Variants in RPTOR observed in about 807,000 individuals in gnomAD.
RPTOR encodes the protein regulatory associated protein of MTOR complex 1.
In RPTOR, 21 loss-of-function variants were observed where a neutral mutation model predicts 169.9. The ratio of observed to expected loss-of-function variants is 0.12; its 90% CI spans 0.09 to 0.18. The LOEUF (loss-of-function observed/expected upper bound fraction) is 0.18, where lower values mean the gene tolerates loss of function less well. Among genes scored for constraint, RPTOR ranks in the 10% least tolerant of loss-of-function variants. The pLI is 1.00. For synonymous variants in RPTOR, 732 were observed against 753.2 expected, an observed-to-expected ratio of 0.97 and a Z score of 0.46; for missense variants, 1,133 against 1,855.9, an observed-to-expected ratio of 0.61 and a Z score of 7.16.
intron 1 of RPTOR, among the ~76,000 whole-genome samples, chr17:80,589,767 T>C (rs1467734482): frequency 1.3e-5 from 2 of 152,246 alleles, no homozygotes; most frequent in Non-Finnish European, 2.9e-5. Context: ...AATCGACTGA[T>C]TTGTATCCAG....
At chr17:80,709,208 A>G (rs2066165710) in intron 4 of RPTOR, 2 of 480,850 alleles carry the variant, frequency 4.2e-6, no homozygotes, top group Admixed American at 1.3e-4. Context: ...CTTTCGTTAA[A>G]TATTGAGTAA....
At chr17:80,627,836 ATTTTT>A (rs34155053) in intron 2 of RPTOR, among the ~76,000 whole-genome samples, 1 of 139,644 alleles carries the variant, frequency 7.2e-6, no homozygotes, top group Non-Finnish European at 1.6e-5. Context: ...GTATGTTTAA[ATTTTT>A]TTTTTTTTTT....
At chr17:80,897,954 C>T (rs1008872820) in intron 20 of RPTOR, among the ~76,000 whole-genome samples, 6 of 152,034 alleles carry the variant, frequency 3.9e-5, no homozygotes, top group African/African-American at 1.4e-4. Context: ...ATTCCCTGTC[C>T]AAAAAAACTG....
In RPTOR at chr17:80,843,795, G is replaced by A. The variant is rs1288280292; in HGVS notation, c.1213-2678G>A. 5.9e-5 allele frequency among the ~76,000 whole-genome samples: 9 copies of A among 152,310 alleles called. No homozygotes were observed. In the South Asian group the frequency reaches 8.3e-4, roughly 14 times the overall value. On this transcript the variant is annotated intron_variant, in intron 10 of 33. Coordinates refer to ENST00000306801, the MANE Select transcript of RPTOR (RefSeq NM_020761.3). ...GGTTGTTGGTAGCAGAAGTCCAGCCGGACGGGCTCCACTTAGGTGTGACTT... is the reference window on the plus strand; with the variant it reads ...GGTTGTTGGTAGCAGAAGTCCAGCCAGACGGGCTCCACTTAGGTGTGACTT...
chr17:80,751,228 C>T (rs1274195794), intron 5 of RPTOR, among the ~76,000 whole-genome samples: 2 of 152,110 alleles, frequency 1.3e-5, no homozygotes, highest in African/African-American at 2.4e-5. Context: ...GGAGAGGGCT[C>T]GGCAGCTTTC....
rs200024771 is a variant in RPTOR, at chr17:80,622,765, G to A, written c.163-2926G>A. ...AAAATACAAATAAAATTAGCTGGGTGTGGTGGCACACCCTGTGGTCCCAGC... is the reference window on the plus strand; with the variant it reads ...AAAATACAAATAAAATTAGCTGGGTATGGTGGCACACCCTGTGGTCCCAGC... On this transcript the variant is annotated intron_variant, in intron 1 of 33. Coordinates refer to ENST00000306801, the MANE Select transcript of RPTOR (RefSeq NM_020761.3). Among the ~76,000 whole-genome samples, 4 of 152,214 alleles carry A rather than the reference G, an allele frequency of 2.6e-5. No homozygotes were observed. The East Asian group carries it at 7.7e-4, about 29-fold the overall frequency.
At chr17:80,724,089 G>T (rs1422760479) in intron 4 of RPTOR, among the ~76,000 whole-genome samples, 1 of 151,332 alleles carries the variant, frequency 6.6e-6, no homozygotes, top group Non-Finnish European at 1.5e-5. Context: ...TGAGAAATGG[G>T]AAGGTATGAG....
chr17:80,961,469 C>T lies in RPTOR; in HGVS notation c.3681C>T (p.Ile1227=), dbSNP rs2144101026. Residue 1227 remains isoleucine (I), a synonymous_variant, in exon 31 of 34, where the codon ATC becomes ATT. Transcript: ENST00000306801. ...ASLQKRPDGH[I]VSVSVNGDVR... is the part of the protein sequence containing the mutation. ...TGCAGAAGCGTCCCGACGGCCACAT[C>T]GTGAGTGTGAGGTGAGGAGCGCCGA... The T allele has an allele frequency of 6.4e-7, 1 of 1,550,678 alleles. No individual in the cohort carries two copies. Among genetic ancestry groups the T allele is most frequent in the Non-Finnish European group, 8.7e-7 (1 of 1,147,314 alleles).
intron 3 of RPTOR, among the ~76,000 whole-genome samples, chr17:80,697,782 G>A (rs1366904451): frequency 6.6e-6 from 1 of 152,226 alleles, no homozygotes; most frequent in East Asian, 1.9e-4. Flanking sequence ...TGTCTCAGGG[G>A]CCGGTGGCCT....
At chr17:80,875,341 G>A (rs947428850) in intron 13 of RPTOR, among the ~76,000 whole-genome samples, 1 of 152,114 alleles carries the variant, frequency 6.6e-6, no homozygotes, top group African/African-American at 2.4e-5. Flanking sequence ...ATACATGCTT[G>A]CATCTTCCCA....
intron 2 of RPTOR, among the ~76,000 whole-genome samples, chr17:80,637,567 G>A (rs2065517883): frequency 6.6e-6 from 1 of 152,244 alleles, no homozygotes; most frequent in Non-Finnish European, 1.5e-5. Flanking sequence ...TACTACAACA[G>A]TAATACTAAA....
At chr17:80,869,077 T>C (rs548932802) in intron 13 of RPTOR, among the ~76,000 whole-genome samples, 19 of 152,198 alleles carry the variant, frequency 1.2e-4, no homozygotes, top group Non-Finnish European at 2.4e-4. Context: ...ATATGTCGCT[T>C]ATACATCAAT....
At chr17:80,625,457 T>C (rs569916116) in intron 1 of RPTOR, among the ~76,000 whole-genome samples, 27 of 152,256 alleles carry the variant, frequency 1.8e-4, no homozygotes, top group Admixed American at 1.7e-3. Flanking sequence ...GAATAGCCCT[T>C]CCTGCCACGT....
chr17:80,605,693 G>A (rs2065224005), intron 1 of RPTOR, among the ~76,000 whole-genome samples: 1 of 152,140 alleles, frequency 6.6e-6, no homozygotes, highest in Admixed American at 6.5e-5. Flanking sequence ...TATACACCTT[G>A]CCAGGTTATT....
Position 80,922,800 on chromosome 17 carries a change from A to C in RPTOR, c.2597A>C (p.Asn866Thr). Residue 866 changes from asparagine to threonine, a missense_variant, in exon 22 of 34, where the codon AAC (asparagine) becomes ACC (threonine). Coordinates refer to ENST00000306801, the MANE Select transcript of RPTOR (RefSeq NM_020761.3). ...LTQSAPASPTNKGVHIHQAGG... is the reference protein window; with the variant it reads ...LTQSAPASPTTKGVHIHQAGG... ...CAGTCGGCCCCCGCCAGCCCCACCA[A>C]CAAGGGCGTGCACATCCACCAGGCG... 1 of 1,584,718 alleles carries C rather than the reference A, an allele frequency of 6.3e-7. No homozygotes were observed. The highest frequency in any genetic ancestry group is 8.5e-7 in the Non-Finnish European group (1 of 1,170,208).
intron 5 of RPTOR, among the ~76,000 whole-genome samples, chr17:80,742,978 GC>G (rs1567886485): frequency 1.3e-5 from 2 of 152,008 alleles, no homozygotes; most frequent in African/African-American, 4.8e-5. Context: ...GTGCCATGCC[GC>G]AGCACATTCC....
At chr17:80,657,176 C>G (rs1053988975) in intron 3 of RPTOR, among the ~76,000 whole-genome samples, 2 of 152,162 alleles carry the variant, frequency 1.3e-5, no homozygotes, top group South Asian at 4.1e-4. Flanking sequence ...GACTAGGGAT[C>G]AGAATGTGAT....
At chr17:80,574,477 T>TC (rs763247207) in intron 1 of RPTOR, among the ~76,000 whole-genome samples, 129 of 152,122 alleles carry the variant, frequency 8.5e-4, no homozygotes, top group Non-Finnish European at 1.5e-3. Context: ...GTTTTTTTTT[T>TC]CTTTTTGAGT....
At chr17:80,546,399 G>T (rs1191260951) in intron 1 of RPTOR, among the ~76,000 whole-genome samples, 1 of 152,170 alleles carries the variant, frequency 6.6e-6, no homozygotes, top group African/African-American at 2.4e-5. Flanking sequence ...GTGAGTTAGG[G>T]TATGAGGCGT....
Sources: gnomAD v4.1 joint callset for allele counts (sites outside exome capture counted in the v4.1 genomes callset) on GRCh38, gnomAD v4.1.1 for gene constraint, MANE v1.5 for transcripts, NCBI Gene and HGNC (gene_info 2026-07-23, HGNC 2026-07-21) for gene names.